The following DNAH8 variants were observed in gnomAD, a reference collection of about 807,000 sequenced individuals.
The protein encoded by DNAH8 is axonemal beta dynein heavy chain 8.
DNAH8 carries 382 observed loss-of-function variants against 562.1 expected under a neutral mutation model. The observed-to-expected ratio is 0.68, with a 90% CI of 0.63 to 0.74. The LOEUF (loss-of-function observed/expected upper bound fraction) is 0.74, where lower values mean the gene tolerates loss of function less well. Among genes scored for constraint, DNAH8 ranks in the 30% least tolerant of loss-of-function variants. DNAH8 has a pLI of 0.00. For synonymous variants in DNAH8, 1,881 were observed against 1,919.4 expected (o/e 0.98, Z 0.52); for missense variants, 5,203 against 5,620.4 (o/e 0.93, Z 2.37).
At chr6:38,904,132 G>A (rs1323451322) in intron 62 of DNAH8, among the ~76,000 whole-genome samples, 1 of 152,138 alleles carries the variant, frequency 6.6e-6, no homozygotes, top group Non-Finnish European at 1.5e-5. Flanking sequence ...GTAAAAGGAT[G>A]TGTTGAATAA....
chr6:38,845,783 T>C lies in DNAH8; in HGVS notation c.5045+10T>C. 6.3e-7 allele frequency: 1 copy of C among 1,599,700 alleles called. No homozygotes were observed. The highest frequency in any genetic ancestry group is 8.6e-7 in the Non-Finnish European group (1 of 1,167,490). ...CTTTACTCAGCAACAGGTAATTTTA[T>C]AATTTGAGAGAGAGATTTAAATGGG... is the stretch of plus-strand genomic sequence containing the variant. On this transcript the variant is annotated intron_variant, in intron 36 of 92. Transcript: ENST00000327475.
intron 88 of DNAH8, among the ~76,000 whole-genome samples, chr6:39,000,558 G>A (rs1285115233): frequency 6.6e-6 from 1 of 152,106 alleles, no homozygotes; most frequent in African/African-American, 2.4e-5. Context: ...GCATGCCAGG[G>A]ACCTAGGTTA....
chr6:38,952,584 A>G (rs993168492), intron 82 of DNAH8, among the ~76,000 whole-genome samples: 1 of 152,210 alleles, frequency 6.6e-6, no homozygotes, highest in Non-Finnish European at 1.5e-5. Flanking sequence ...TACATAGTCG[A>G]CATAAGCATG....
chr6:38,850,450 T>C (rs372448320), intron 38 of DNAH8, 36 bp downstream of exon 38: 1 of 1,582,064 alleles, frequency 6.3e-7, no homozygotes. Context: ...TATCATTTTG[T>C]ATGTGACAGT....
chr6:38,828,381 C>A, intron 30 of DNAH8, 93 bp downstream of exon 30: 1 of 628,250 alleles, frequency 1.6e-6, no homozygotes, highest in South Asian at 2.4e-5. Flanking sequence ...AATATACAGT[C>A]ATGTGCCACA....
chr6:38,824,629 T>G (rs1241602241), intron 28 of DNAH8, among the ~76,000 whole-genome samples: 1 of 152,220 alleles, frequency 6.6e-6, no homozygotes, highest in Non-Finnish European at 1.5e-5. Flanking sequence ...AGGTCTGTTA[T>G]CAAGAAGTTA....
intron 22 of DNAH8, among the ~76,000 whole-genome samples, chr6:38,804,595 C>T (rs1383116347): frequency 6.6e-6 from 1 of 152,090 alleles, no homozygotes. Flanking sequence ...GAGTGTGCCA[C>T]CCAGACTCTC....
intron 1 of DNAH8, among the ~76,000 whole-genome samples, chr6:38,720,895 G>A (rs1762699626): frequency 6.6e-6 from 1 of 151,478 alleles, no homozygotes. Context: ...AAGAGATTGA[G>A]ATTAAAAAAC....
chr6:38,924,500 A>AC (rs1781954299), intron 73 of DNAH8, among the ~76,000 whole-genome samples: 1 of 141,902 alleles, frequency 7.0e-6, no homozygotes, highest in Non-Finnish European at 1.6e-5. Flanking sequence ...GAGAAACTCC[A>AC]TCCCCCCCCC....
intron 33 of DNAH8, among the ~76,000 whole-genome samples, chr6:38,839,428 T>C (rs1457718225): frequency 6.6e-6 from 1 of 151,874 alleles, no homozygotes; most frequent in African/African-American, 2.4e-5. Context: ...AGTGTAGTGG[T>C]GGAATCACTC....
In DNAH8 at chr6:38,715,943, TATATATATA is replaced by T. The variant is rs1454086698; in HGVS notation, c.-35+529_-35+537del. Reference sequence around the variant, plus strand: ...ATAAATAAATATATATATATATATATATATATATATATATATATTTTTTTTTTTTTTTTG... The same window carrying T: ...ATAAATAAATATATATATATATATATTATATATATTTTTTTTTTTTTTTTG... On this transcript the variant is annotated intron_variant, in intron 1 of 92. Transcript: ENST00000327475. Among the ~76,000 whole-genome samples the T allele has an allele frequency of 8.2e-3, 220 of 26,824 alleles. 8 individuals are homozygous for T. Among genetic ancestry groups the T allele is most frequent in the Middle Eastern group, 0.028 (2 of 72 alleles). The allele number at this position is 26,824 out of a possible 152,430, so 17.6% of individuals were successfully genotyped here. A position where few individuals can be genotyped will look rare whatever the true frequency, so the allele number is the denominator to read the frequency against.
At chr6:38,927,409 C>T (rs574181716) in intron 74 of DNAH8, among the ~76,000 whole-genome samples, 36 of 152,284 alleles carry the variant, frequency 2.4e-4, no homozygotes, top group African/African-American at 8.2e-4. Flanking sequence ...CATCAATACT[C>T]CAGAACACGA....
Position 38,737,956 on chromosome 6 carries a change from A to G in DNAH8, c.1100A>G (p.Tyr367Cys), listed in dbSNP as rs1414912825. The change falls in exon 7 of 93, where the codon TAC (tyrosine) becomes TGC (cysteine). Residue 367 changes from tyrosine to cysteine, a missense_variant. Around this residue, in one of 6 missense-constraint regions of DNAH8, gnomAD observed 556 missense variants for 496.9 expected, o/e 1.12. Transcript: ENST00000327475. ...HQLEEVLMVWYKQIEQVLIES... is the reference protein window; with the variant it reads ...HQLEEVLMVWCKQIEQVLIES... ...CTGGAGGAAGTGCTGATGGTATGGT[A>G]CAAACAGATCGAACAGGTGAATTGA... The G allele has an allele frequency of 8.7e-6, 14 of 1,611,726 alleles. No individual in the cohort carries two copies. The highest frequency in any genetic ancestry group is 1.7e-5 in the Admixed American group (1 of 59,696).
chr6:38,978,678 T>A (rs149885200), intron 85 of DNAH8, among the ~76,000 whole-genome samples: 133 of 152,324 alleles, frequency 8.7e-4, no homozygotes, highest in African/African-American at 2.9e-3. Flanking sequence ...TTTGAAGCTG[T>A]GAAATGATTC....
chr6:38,842,555 A>G, intron 34 of DNAH8, 50 bp downstream of exon 34: 1 of 1,588,688 alleles, frequency 6.3e-7, no homozygotes. Context: ...AGGATCCTAT[A>G]GGTATTTCAG....
chr6:38,823,520 T>C, intron 27 of DNAH8, 42 bp from the exon 28 acceptor site: 1 of 1,476,466 alleles, frequency 6.8e-7, no homozygotes, highest in African/African-American at 1.4e-5. Flanking sequence ...GTAAGATTTA[T>C]ACTGTTAAAA....
At chr6:39,001,055 T>C (rs1561962467) in intron 88 of DNAH8, among the ~76,000 whole-genome samples, 1 of 152,138 alleles carries the variant, frequency 6.6e-6, no homozygotes, top group Non-Finnish European at 1.5e-5. Context: ...TGTGGGGAGT[T>C]CTGGGAACCA....
intron 91 of DNAH8, among the ~76,000 whole-genome samples, chr6:39,023,918 C>T (rs1767102922): frequency 6.6e-6 from 1 of 152,206 alleles, no homozygotes; most frequent in Non-Finnish European, 1.5e-5. Flanking sequence ...TAGAGTTCAC[C>T]TCCTGGCATT....
chr6:38,867,912 A>C, intron 47 of DNAH8, 150 bp from the exon 48 acceptor site: 1 of 667,080 alleles, frequency 1.5e-6, no homozygotes, highest in Non-Finnish European at 2.5e-6. Flanking sequence ...AAGGAAAGGC[A>C]GGAAGTTGAG....
Sources: allele counts gnomAD v4.1 joint callset (sites outside exome capture counted in the v4.1 genomes callset), GRCh38; gene constraint gnomAD v4.1.1; regional missense constraint gnomAD v4.1.1; transcripts MANE v1.5; gene names NCBI Gene and HGNC (gene_info 2026-07-23, HGNC 2026-07-21).